SHANK2: variants seen among roughly 807,000 people sequenced by gnomAD.
SHANK2 encodes the protein SH3 and multiple ankyrin repeat domains protein 2.
A neutral mutation model predicts 133.7 loss-of-function variants in SHANK2; 43 were observed. The ratio of observed to expected loss-of-function variants is 0.32; its 90% CI spans 0.25 to 0.41. The LOEUF (loss-of-function observed/expected upper bound fraction) is 0.41, where lower values mean the gene tolerates loss of function less well. Ranked by LOEUF, SHANK2 falls within the 10% of genes least tolerant of loss-of-function variation. SHANK2 has a pLI of 1.00. For synonymous variants in SHANK2, 1,017 were observed against 952.8 expected (o/e 1.07, Z -1.24); for missense variants, 1,994 against 2,235.8 (o/e 0.89, Z 2.18).
intron 12 of SHANK2, among the ~76,000 whole-genome samples, chr11:70,809,758 C>CAGTG (rs782281839): frequency 2.0e-5 from 3 of 152,208 alleles, no homozygotes; most frequent in Non-Finnish European, 4.4e-5. Context: ...CAGGGCAGGA[C>CAGTG]AGTGGCCTCT....
At chr11:70,821,420 TTTG>T (rs1300804695) in intron 11 of SHANK2, among the ~76,000 whole-genome samples, 3 of 151,804 alleles carry the variant, frequency 2.0e-5, no homozygotes, top group Non-Finnish European at 2.9e-5. Context: ...ATCTGGTTGT[TTTG>T]TTGTTGTTGT....
At chr11:71,099,914 T>G (rs1311112652) in intron 6 of SHANK2, among the ~76,000 whole-genome samples, 1 of 151,992 alleles carries the variant, frequency 6.6e-6, no homozygotes, top group African/African-American at 2.4e-5. Flanking sequence ...CCAGGCATAG[T>G]GGCATACGCC....
At chr11:71,106,939 C>T (rs1555098038) in intron 6 of SHANK2, among the ~76,000 whole-genome samples, 1 of 152,038 alleles carries the variant, frequency 6.6e-6, no homozygotes, top group East Asian at 1.9e-4. Context: ...GCCTGGGCAA[C>T]ATGGCAAAAC....
rs137981115 is a variant in SHANK2 at position 70,911,164 on chromosome 11, C to G, written c.1108-14597G>C. On this transcript the variant is annotated intron_variant, in intron 10 of 25. Transcript: ENST00000601538. Reference sequence around the variant, plus strand: ...GTTTTAATTCAGCTAAAAGTACATGCCACGAAACACACAGGCCTTAAGCAC... The same window carrying G: ...GTTTTAATTCAGCTAAAAGTACATGGCACGAAACACACAGGCCTTAAGCAC... The G allele has an allele frequency of 5.8e-3, 2,639 of 456,686 alleles. 11 individuals carry two copies. Among genetic ancestry groups the G allele is most frequent in the Non-Finnish European group, 8.8e-3 (1,987 of 226,988 alleles). The allele number at this position is 456,686 out of a possible 1,614,324, so 28.3% of individuals were successfully genotyped here. A position where few individuals can be genotyped will look rare whatever the true frequency, so the allele number is the denominator to read the frequency against.
chr11:70,560,625 C>T (rs1244896202), intron 17 of SHANK2, among the ~76,000 whole-genome samples: 1 of 150,070 alleles, frequency 6.7e-6, no homozygotes, highest in African/African-American at 2.5e-5. Flanking sequence ...GATTCCAAGA[C>T]TTTTTTTCGT....
intron 10 of SHANK2, among the ~76,000 whole-genome samples, chr11:70,944,977 G>C (rs1434384917): frequency 6.6e-6 from 1 of 152,168 alleles, no homozygotes; most frequent in Non-Finnish European, 1.5e-5. Context: ...ATTAGGTACA[G>C]TATCTCCTTT....
intron 17 of SHANK2, among the ~76,000 whole-genome samples, chr11:70,582,889 G>A (rs1483013999): frequency 6.6e-6 from 1 of 152,202 alleles, no homozygotes; most frequent in Non-Finnish European, 1.5e-5. Flanking sequence ...GTGCGTGTCT[G>A]ATGAGCAGGA....
intron 17 of SHANK2, among the ~76,000 whole-genome samples, chr11:70,644,438 G>A (rs977326262): frequency 1.3e-5 from 2 of 152,174 alleles, no homozygotes; most frequent in African/African-American, 4.8e-5. Flanking sequence ...TTCAAAGGAA[G>A]AGAATGTTGT....
At chr11:71,149,904 G>T (rs1360937768) in intron 2 of SHANK2, among the ~76,000 whole-genome samples, 1 of 60,634 alleles carries the variant, frequency 1.6e-5, no homozygotes, top group East Asian at 5.1e-4. Context: ...GGAAAAAAGG[G>T]AGGAAGGTAA....
At chr11:71,106,898 G>T (rs782414266) in intron 6 of SHANK2, among the ~76,000 whole-genome samples, 1 of 152,158 alleles carries the variant, frequency 6.6e-6, no homozygotes, top group Admixed American at 6.5e-5. Flanking sequence ...GCCGAGGCCG[G>T]TGATCACTTG....
At chr11:70,950,235 G>A (rs1950812957) in intron 10 of SHANK2, 1 of 423,156 alleles carries the variant, frequency 2.4e-6, no homozygotes, top group Non-Finnish European at 4.8e-6. Context: ...GGAGTATAGT[G>A]GCAAGATCTC....
intron 11 of SHANK2, among the ~76,000 whole-genome samples, chr11:70,862,309 T>C (rs1555067963): frequency 6.6e-6 from 1 of 152,196 alleles, no homozygotes. Flanking sequence ...TGTTGAAAGA[T>C]CCCTCTTCGA....
intron 17 of SHANK2, among the ~76,000 whole-genome samples, chr11:70,641,441 C>G (rs782110945): frequency 3.3e-5 from 5 of 152,158 alleles, no homozygotes; most frequent in Non-Finnish European, 7.3e-5. Context: ...GGATCCAGTA[C>G]AAGGCATTGT....
chr11:70,741,340 TATCC>T (rs111526364), intron 14 of SHANK2, among the ~76,000 whole-genome samples: 65,377 of 148,902 alleles, frequency 0.44, 14,539 homozygotes, highest in African/African-American at 0.54. Context: ...CCCATCTATC[TATCC>T]ATCCATCCAT....
chr11:70,591,943 G>A lies in SHANK2; in HGVS notation c.2061+67885C>T, dbSNP rs571297720. Reference sequence around the variant, plus strand: ...CTGAGGCAGGAGAACCGCTGAAACCGGGAGGCCGAGGTTGCAGTGAGCTGA... The same window carrying A: ...CTGAGGCAGGAGAACCGCTGAAACCAGGAGGCCGAGGTTGCAGTGAGCTGA... On this transcript the variant is annotated intron_variant, in intron 17 of 25. Transcript: ENST00000601538. Among the ~76,000 whole-genome samples, 31 of 152,108 alleles carry A rather than the reference G, an allele frequency of 2.0e-4. No individual in the cohort carries two copies. The Middle Eastern group carries it at 0.01, about 50-fold the overall frequency.
intron 11 of SHANK2, chr11:70,863,429 T>C (rs181399503): frequency 2.3e-4 from 107 of 457,886 alleles, no homozygotes; most frequent in African/African-American, 2.0e-3. Flanking sequence ...CTCGGTGCCC[T>C]GGGACGCCTG....
Position 70,542,374 on chromosome 11 carries a change from C to T in SHANK2, c.2062-39443G>A, listed in dbSNP as rs546326117. On this transcript the variant is annotated intron_variant, in intron 17 of 25. Transcript: ENST00000601538. ...CAGGTTGGCACCATGTGGCTAGCAG[C>T]CAAGGAATACCGGGAGCCCCAGAGC... Among the ~76,000 whole-genome samples the T allele has an allele frequency of 7.9e-4, 120 of 152,266 alleles. 1 individual carries two copies. The highest frequency in any genetic ancestry group is 2.7e-3 in the African/African-American group (112 of 41,558).
intron 2 of SHANK2, among the ~76,000 whole-genome samples, chr11:71,222,267 A>T (rs1954559841): frequency 6.6e-6 from 1 of 152,112 alleles, no homozygotes; most frequent in South Asian, 2.1e-4. Context: ...AAACTAAAAC[A>T]AATTCACTCC....
At chr11:70,894,950 C>T (rs1555075361) in intron 11 of SHANK2, among the ~76,000 whole-genome samples, 1 of 152,252 alleles carries the variant, frequency 6.6e-6, no homozygotes, top group Non-Finnish European at 1.5e-5. Context: ...GGAAGACGGT[C>T]TCTGGCACTC....
Sources: gnomAD v4.1 joint callset for allele counts (sites outside exome capture counted in the v4.1 genomes callset) on GRCh38, gnomAD v4.1.1 for gene constraint, MANE v1.5 for transcripts, NCBI Gene and HGNC (gene_info 2026-07-23, HGNC 2026-07-21) for gene names.